Variants in UBE2D2 observed in about 807,000 individuals in gnomAD.
The protein encoded by UBE2D2 is ubiquitin-conjugating enzyme E2 D2.
A neutral mutation model predicts 24.2 loss-of-function variants in UBE2D2; 2 were observed. The observed-to-expected ratio is 0.08, with a 90% CI of 0.03 to 0.26. The LOEUF is 0.26. UBE2D2 is among the 10% of genes least tolerant of loss of function. The probability of loss-of-function intolerance (pLI) is 1.00; values close to 1 mark genes in which losing one functional copy is unlikely to be tolerated. For missense variants in UBE2D2, 44 were observed against 177.6 expected (o/e 0.25, Z 4.28); for synonymous variants, 58 against 56.5 (o/e 1.03, Z -0.12).
At chr5:139,535,506 G>A (rs1202387385) in intron 1 of UBE2D2, among the ~76,000 whole-genome samples, 2 of 152,014 alleles carry the variant, frequency 1.3e-5, no homozygotes, top group Non-Finnish European at 2.9e-5. Context: ...GCAGACGCCT[G>A]TAATCCCAGC....
rs1253050714 is a variant in UBE2D2 at position 139,561,538 on chromosome 5, CGGCGGCGGCGGTGGCGGCTAG to C, written c.-243_-223del. 1 of 416,444 alleles carries C rather than the reference CGGCGGCGGCGGTGGCGGCTAG, an allele frequency of 2.4e-6. No individual in the cohort carries two copies. Among genetic ancestry groups the C allele is most frequent in the Non-Finnish European group, 4.2e-6 (1 of 236,324 alleles). The allele number at this position is 416,444 out of a possible 1,614,324, so 25.8% of individuals were successfully genotyped here. A position where few individuals can be genotyped will look rare whatever the true frequency, so the allele number is the denominator to read the frequency against. Reference sequence around the variant, plus strand: ...TCCTGGGAGGAAGAGGCAGCTACGGCGGCGGCGGCGGTGGCGGCTAGGGCGGCGGCGAATAAAGGGGCCGCC... The same window carrying C: ...TCCTGGGAGGAAGAGGCAGCTACGGCGGCGGCGGCGAATAAAGGGGCCGCC... On this transcript the variant is annotated 5_prime_UTR_variant, in exon 1 of 7. Transcript: ENST00000398733.
chr5:139,550,979 C>G (rs1412479076), intron 1 of UBE2D2, among the ~76,000 whole-genome samples: 2 of 152,150 alleles, frequency 1.3e-5, no homozygotes, highest in African/African-American at 2.4e-5. Flanking sequence ...TTGTACTACA[C>G]GGCTCTCAGC....
chr5:139,583,022 T>A (rs1281123323), intron 1 of UBE2D2, among the ~76,000 whole-genome samples: 1 of 151,576 alleles, frequency 6.6e-6, no homozygotes. Context: ...TCGCCCGGGC[T>A]GGAGTGCAAT....
chr5:139,548,193 A>AAAAATAAATAAAT, intron 1 of UBE2D2, among the ~76,000 whole-genome samples: 45 of 47,064 alleles, frequency 9.6e-4, no homozygotes, highest in Admixed American at 1.4e-3. Flanking sequence ...ATAAAAAAAA[A>AAAAATAAATAAAT]AAATAAATAA....
intron 1 of UBE2D2, among the ~76,000 whole-genome samples, chr5:139,530,560 T>C (rs1021287963): frequency 1.3e-5 from 2 of 152,166 alleles, no homozygotes; most frequent in Admixed American, 6.5e-5. Context: ...TTAGAAATTA[T>C]TACTAATAAA....
intron 1 of UBE2D2, among the ~76,000 whole-genome samples, chr5:139,548,374 C>G (rs1696029458): frequency 6.6e-6 from 1 of 151,528 alleles, no homozygotes; most frequent in Non-Finnish European, 1.5e-5. Context: ...AGACTGTTTT[C>G]CAGACAGAAA....
At chr5:139,559,179 C>A (rs920642481), upstream of UBE2D2, among the ~76,000 whole-genome samples, 2 of 152,062 alleles carry the variant, frequency 1.3e-5, no homozygotes, top group African/African-American at 4.8e-5. Flanking sequence ...GTAATCCCAG[C>A]ACTTTGGGAG....
At chr5:139,581,875 G>T (rs1405188602) in intron 1 of UBE2D2, among the ~76,000 whole-genome samples, 1 of 152,096 alleles carries the variant, frequency 6.6e-6, no homozygotes, top group Non-Finnish European at 1.5e-5. Flanking sequence ...CACTATGTTG[G>T]TCAGGCTGGT....
intron 1 of UBE2D2, among the ~76,000 whole-genome samples, chr5:139,569,558 GT>G (rs1449585841): frequency 6.6e-6 from 1 of 152,178 alleles, no homozygotes; most frequent in Non-Finnish European, 1.5e-5. Context: ...TAGAAATAAA[GT>G]TTTGATGGTT....
chr5:139,625,016 A>G (rs1754585085), intron 6 of UBE2D2, among the ~76,000 whole-genome samples: 1 of 152,104 alleles, frequency 6.6e-6, no homozygotes, highest in South Asian at 2.1e-4. Context: ...AACACTGTTG[A>G]ACAGAACTTT....
intron 1 of UBE2D2, among the ~76,000 whole-genome samples, chr5:139,599,002 C>T (rs1486475833): frequency 7.3e-6 from 1 of 137,402 alleles, no homozygotes; most frequent in Non-Finnish European, 1.5e-5. Context: ...GATCTTGGCT[C>T]ACTGCAACCT....
chr5:139,590,529 G>A (rs1240145177), intron 1 of UBE2D2, among the ~76,000 whole-genome samples: 1 of 151,478 alleles, frequency 6.6e-6, no homozygotes, highest in Non-Finnish European at 1.5e-5. Context: ...TTGAGGGAAA[G>A]CAAAGTACAG....
At chr5:139,570,329 C>T (rs1753323735) in intron 1 of UBE2D2, among the ~76,000 whole-genome samples, 1 of 152,106 alleles carries the variant, frequency 6.6e-6, no homozygotes, top group Non-Finnish European at 1.5e-5. Flanking sequence ...ATTCTCACCA[C>T]CACCACCACC....
At chr5:139,534,736 CA>C (rs1004867782) in intron 1 of UBE2D2, among the ~76,000 whole-genome samples, 1 of 149,974 alleles carries the variant, frequency 6.7e-6, no homozygotes, top group African/African-American at 2.5e-5. Context: ...AACTCTGTCT[CA>C]AAAAAAAGCA....
At chr5:139,606,536 C>T (rs1473486623) in intron 2 of UBE2D2, among the ~76,000 whole-genome samples, 2 of 152,164 alleles carry the variant, frequency 1.3e-5, no homozygotes, top group African/African-American at 4.8e-5. Context: ...CACATTTAAA[C>T]TCTCATAAAA....
intron 1 of UBE2D2, among the ~76,000 whole-genome samples, chr5:139,599,255 T>C (rs1487621479): frequency 1.3e-5 from 2 of 151,058 alleles, no homozygotes. Context: ...TCCTTCAAAG[T>C]TTTTTCTACT....
At chr5:139,608,668 A>C (rs777479674) in intron 2 of UBE2D2, among the ~76,000 whole-genome samples, 3 of 152,130 alleles carry the variant, frequency 2.0e-5, no homozygotes, top group Non-Finnish European at 2.9e-5. Flanking sequence ...TTCTGCTTCA[A>C]CCCTGTTGGG....
intron 1 of UBE2D2, among the ~76,000 whole-genome samples, chr5:139,578,591 A>T (rs991006541): frequency 5.3e-5 from 8 of 151,964 alleles, no homozygotes; most frequent in East Asian, 3.9e-4. Flanking sequence ...TAGCTGGGAC[A>T]GCAGGTGTGT....
chr5:139,550,209 T>C (rs999699599), intron 1 of UBE2D2, among the ~76,000 whole-genome samples: 3 of 151,490 alleles, frequency 2.0e-5, no homozygotes, highest in Non-Finnish European at 3.0e-5. Context: ...TCAAGGTTTG[T>C]AAACGCATCA....
Sources: gnomAD v4.1 joint callset for allele counts (sites outside exome capture counted in the v4.1 genomes callset) on GRCh38, gnomAD v4.1.1 for gene constraint, MANE v1.5 for transcripts, NCBI Gene and HGNC (gene_info 2026-07-23, HGNC 2026-07-21) for gene names.